Variants in MCM4 observed in about 807,000 individuals in gnomAD.
MCM4 encodes the protein minichromosome maintenance complex component 4, also known as DNA replication licensing factor MCM4.
MCM4 carries 60 observed loss-of-function variants against 88.7 expected under a neutral mutation model. The observed-to-expected ratio is 0.68, with a 90% confidence interval of 0.55 to 0.84. The LOEUF (loss-of-function observed/expected upper bound fraction) is 0.84, where lower values mean the gene tolerates loss of function less well. Ranked by LOEUF, MCM4 falls within the 40% of genes least tolerant of loss-of-function variation. The pLI is 0.00. For missense variants in MCM4, 1,149 were observed against 1,105.5 expected (o/e 1.04, Z -0.56); for synonymous variants, 465 against 410.5 (o/e 1.13, Z -1.61).
In MCM4 at chr8:47,977,718, G is replaced by A. The variant is rs999820296; in HGVS notation, c.*940G>A. On this transcript the variant is annotated 3_prime_UTR_variant, in exon 17 of 17. Transcript: ENST00000649973. ...AAGCGATCTGCCCACCTCAACTTCC[G>A]GAAGTGCTGAGATTACAGGTGTGAG... 1 of 152,026 alleles carries A rather than the reference G, an allele frequency of 6.6e-6. No individual in the cohort carries two copies. The highest frequency in any genetic ancestry group is 1.5e-5 in the Non-Finnish European group (1 of 68,006). 9.4% of individuals were successfully genotyped at this position (152,026 alleles called of 1,614,324 possible).
At chr8:47,966,517 A>T in intron 9 of MCM4, 110 bp downstream of exon 9, 1 of 1,091,704 alleles carries the variant, frequency 9.2e-7, no homozygotes, top group East Asian at 2.6e-5. Flanking sequence ...AATGGCATCC[A>T]TCCCTCTCTG....
chr8:47,966,477 T>G, intron 9 of MCM4, 70 bp downstream of exon 9: 1 of 1,425,922 alleles, frequency 7.0e-7, no homozygotes, highest in Non-Finnish European at 9.5e-7. Context: ...AACTATAACT[T>G]GTCCCTCGGA....
At chr8:47,964,374 G>A (rs550536802) in intron 7 of MCM4, among the ~76,000 whole-genome samples, 200 bp from the exon 8 acceptor site, 2 of 152,300 alleles carry the variant, frequency 1.3e-5, no homozygotes, top group East Asian at 3.9e-4. Context: ...TATAAATTAT[G>A]AAATTTAACC....
In MCM4 at chr8:47,961,822, G is replaced by A. The variant is rs2090841696; in HGVS notation, c.235+142G>A. The A allele has an allele frequency of 4.4e-6, 5 of 1,138,750 alleles. No individual in the cohort carries two copies. The Admixed American group carries it at 1.0e-4, about 24-fold the overall frequency. 70.5% of individuals were successfully genotyped at this position (1,138,750 alleles called of 1,614,324 possible). On this transcript the variant is annotated intron_variant, in intron 3 of 16. Transcript: ENST00000649973. ...TGACTGAGCATGTTCTTAACCAGAG[G>A]AGCTGAACGGAGTGCAGAAAATAGT...
chr8:47,972,250 A>C lies in MCM4; in HGVS notation c.1929-607A>C, dbSNP rs543411536. Among the ~76,000 whole-genome samples the C allele has an allele frequency of 1.2e-4, 19 of 152,038 alleles. No individual in the cohort carries two copies. In the South Asian group the frequency reaches 3.9e-3, roughly 32 times the overall value. On this transcript the variant is annotated intron_variant, in intron 13 of 16. Transcript: ENST00000649973. ...GACTCTGTCTCAAAAAAAAAAAAAA[A>C]AAAAAAACTTTCCATCGTCAAAATT... is the stretch of plus-strand genomic sequence containing the variant.
chr8:47,965,056 T>C (rs1165451299), intron 8 of MCM4, among the ~76,000 whole-genome samples: 1 of 150,976 alleles, frequency 6.6e-6, no homozygotes, highest in Non-Finnish European at 1.5e-5. Flanking sequence ...TTACTAAAAA[T>C]AGAAAAATTA....
chr8:47,974,463 T>C, intron 14 of MCM4: 1 of 404,566 alleles, frequency 2.5e-6, no homozygotes, highest in East Asian at 4.7e-5. Flanking sequence ...TCTTCAGAGC[T>C]ACGTTAGATG....
chr8:47,966,243 C>A lies in MCM4; in HGVS notation c.889C>A (p.Pro297Thr). The A allele has an allele frequency of 6.2e-7, 1 of 1,614,114 alleles. No individual in the cohort carries two copies. Among genetic ancestry groups the A allele is most frequent in the Non-Finnish European group, 8.5e-7 (1 of 1,180,022 alleles). Residue 297 changes from proline to threonine, a missense_variant, in exon 9 of 17, where the codon CCC becomes ACC. By Grantham distance (38) the Pro-to-Thr change is conservative (BLOSUM62 -1). This residue lies in a region of MCM4 where 906 missense variants were observed against 843.0 expected (regional missense o/e 1.07). Coordinates refer to ENST00000649973, the MANE Select transcript of MCM4 (RefSeq NM_182746.3). ...GGTGATCAGGACATCCCAGCTGATT[C>A]CCGAGATGCAGGAGGCCTTCTTCCA... The part of the protein sequence containing the change: ...GMVIRTSQLI[P>T]EMQEAFFQCQ...
In MCM4 at chr8:47,967,490, G is replaced by A. The variant is rs771573811; in HGVS notation, c.1174+5G>A. ...GGGACAGAGTGAATGTTACAGGTAA[G>A]AGTGTAGGTTTGCACCAGCACTTGA... On this transcript the variant is annotated splice_donor_5th_base_variant and intron_variant, in intron 10 of 16. Transcript: ENST00000649973. 1.4e-4 allele frequency: 233 copies of A among 1,614,050 alleles called. No individual in the cohort carries two copies. The highest frequency in any genetic ancestry group is 1.9e-4 in the Non-Finnish European group (229 of 1,180,002).
At chr8:47,976,262 C>T (rs1328930730) in intron 16 of MCM4, among the ~76,000 whole-genome samples, 11 of 148,986 alleles carry the variant, frequency 7.4e-5, no homozygotes, top group Admixed American at 6.8e-5. Flanking sequence ...CATTGCTCTC[C>T]AGCCTGGGCA....
At chr8:47,963,357 A>G (rs2090865244) in intron 7 of MCM4, among the ~76,000 whole-genome samples, 1 of 152,120 alleles carries the variant, frequency 6.6e-6, no homozygotes, top group Non-Finnish European at 1.5e-5. Context: ...GGGAGTCTGA[A>G]GCGATAGAAT....
In MCM4 at chr8:47,977,033, A is replaced by G. The variant is rs544019622; in HGVS notation, c.*255A>G. On this transcript the variant is annotated 3_prime_UTR_variant, in exon 17 of 17. Coordinates refer to ENST00000649973, the MANE Select transcript of MCM4 (RefSeq NM_182746.3). ...GTAATCCCAGCACTTTGGGAGGCCA[A>G]TGTGGGTGGATCATGAGGTCAGGAG... The G allele has an allele frequency of 3.8e-4, 106 of 277,052 alleles. 1 individual carries two copies. Among genetic ancestry groups the G allele is most frequent in the Non-Finnish European group, 5.5e-4 (77 of 139,600 alleles). The allele number at this position is 277,052 out of a possible 1,614,324, so 17.2% of individuals were successfully genotyped here.
intron 14 of MCM4, among the ~76,000 whole-genome samples, chr8:47,973,375 C>T (rs894105048): frequency 2.6e-5 from 4 of 152,146 alleles, no homozygotes; most frequent in African/African-American, 7.2e-5. Flanking sequence ...AGAGTTTCAC[C>T]GTGTTGGCCA....
intron 5 of MCM4, 31 bp downstream of exon 5, chr8:47,962,437 G>A (rs774696935): frequency 3.7e-6 from 6 of 1,605,778 alleles, no homozygotes; most frequent in Middle Eastern, 1.7e-4. Flanking sequence ...TTCTTACTTT[G>A]GGCTCTGAAA....
chr8:47,964,508 A>G (rs2090879666), intron 7 of MCM4, 66 bp from the exon 8 acceptor site: 1 of 1,277,484 alleles, frequency 7.8e-7, no homozygotes, highest in South Asian at 1.5e-5. Flanking sequence ...TGCTAATCTG[A>G]CATGCCTTTA....
At chr8:47,961,740 T>A in intron 3 of MCM4, 60 bp downstream of exon 3, 1 of 1,540,298 alleles carries the variant, frequency 6.5e-7, no homozygotes, top group Non-Finnish European at 8.8e-7. Flanking sequence ...CTTTATCTGC[T>A]CAGGTTTACT....
At chr8:47,970,370 A>G (rs2090941405) in intron 11 of MCM4, 141 bp from the exon 12 acceptor site, 1 of 1,046,776 alleles carries the variant, frequency 9.6e-7, no homozygotes, top group South Asian at 1.6e-5. Flanking sequence ...CATATCAAGC[A>G]CTTTCACGAG....
At chr8:47,970,901 C>A in intron 12 of MCM4, 25 bp downstream of exon 12, 1 of 1,556,816 alleles carries the variant, frequency 6.4e-7, no homozygotes. Context: ...CCACCGTGAA[C>A]ATGGACGTGT....
chr8:47,961,526 G>C lies in MCM4; in HGVS notation c.81G>C (p.Glu27Asp), dbSNP rs2090834502. The C allele has an allele frequency of 6.2e-7, 1 of 1,613,936 alleles. No individual in the cohort carries two copies. The highest frequency in any genetic ancestry group is 1.1e-5 in the South Asian group (1 of 91,078). The change falls in exon 3 of 17, where the codon GAG becomes GAC. Residue 27 changes from glutamate to aspartate, a missense_variant. Physicochemically the swap from Glu to Asp is conservative, Grantham distance 45. This residue lies in a region of MCM4 where 906 missense variants were observed against 843.0 expected (regional missense o/e 1.07). Transcript: ENST00000649973. The stretch of plus-strand genomic sequence containing the variant: ...TTTGTGTGACACAAGCTCGGAGTGA[G>C]GATGCCAGGTCATCTCCCTCTCAGA... ...RATPAQTPRS[E>D]DARSSPSQRR...
Sources: gnomAD v4.1 joint callset for allele counts (sites outside exome capture counted in the v4.1 genomes callset) on GRCh38, gnomAD v4.1.1 for gene constraint, gnomAD v4.1.1 regional missense constraint, MANE v1.5 for transcripts, NCBI Gene and HGNC (gene_info 2026-07-23, HGNC 2026-07-21) for gene names.